NXPH2: variants seen among roughly 807,000 people sequenced by gnomAD.
NXPH2 encodes neurexophilin 2, also known as neurexophilin-2.
A neutral mutation model predicts 19.8 loss-of-function variants in NXPH2; 5 were observed. That is an observed-to-expected ratio of 0.25 (90% CI 0.13 to 0.53). The LOEUF (loss-of-function observed/expected upper bound fraction) is 0.53, where lower values mean the gene tolerates loss of function less well. Ranked by LOEUF, NXPH2 falls within the 20% of genes least tolerant of loss-of-function variation. The pLI, the probability that NXPH2 is intolerant of heterozygous loss-of-function variation, is 0.96. For synonymous variants in NXPH2, 154 were observed against 127.4 expected (o/e 1.21, Z -1.41); for missense variants, 289 against 322.8 (o/e 0.90, Z 0.80).
chr2:138,680,287 T>G (rs1488504723), intron 1 of NXPH2, among the ~76,000 whole-genome samples: 1 of 152,198 alleles, frequency 6.6e-6, no homozygotes, highest in East Asian at 1.9e-4. Context: ...TGAAGGAGGC[T>G]GCAAAGTGGA....
intron 1 of NXPH2, among the ~76,000 whole-genome samples, chr2:138,763,963 G>C (rs1682053320): frequency 6.6e-6 from 1 of 152,064 alleles, no homozygotes; most frequent in African/African-American, 2.4e-5. Context: ...CTTACTATGA[G>C]GATGGCTGTG....
intron 1 of NXPH2, among the ~76,000 whole-genome samples, chr2:138,708,509 C>G (rs1015206244): frequency 2.6e-5 from 4 of 152,310 alleles, no homozygotes; most frequent in Admixed American, 2.0e-4. Flanking sequence ...ATTAAACCAG[C>G]TCATTTAGCA....
Position 138,766,307 on chromosome 2 carries a change from A to T in NXPH2, c.51+13884T>A, listed in dbSNP as rs1682090439. 2.0e-5 allele frequency among the ~76,000 whole-genome samples: 3 copies of T among 152,218 alleles called. No homozygotes were observed. The South Asian group carries it at 6.2e-4, about 31-fold the overall frequency. ...CAAAGACAAAGCATTTAGTTGAGAG[A>T]GGCTGAAGCAGTCACTTGGTTCAGC... On this transcript the variant is annotated intron_variant, in intron 1 of 1. Coordinates refer to ENST00000272641, the MANE Select transcript of NXPH2 (RefSeq NM_007226.3).
chr2:138,686,011 C>T (rs1023245449), intron 1 of NXPH2, among the ~76,000 whole-genome samples: 6 of 152,208 alleles, frequency 3.9e-5, no homozygotes, highest in African/African-American at 1.2e-4. Flanking sequence ...ACAATAAGTA[C>T]CTAACAAAAA....
Position 138,670,552 on chromosome 2 carries a change from A to T in NXPH2, c.*370T>A, listed in dbSNP as rs1014742017. 3.0e-4 allele frequency among the ~76,000 whole-genome samples: 46 copies of T among 152,184 alleles called. 2 individuals carry two copies. The highest frequency in any genetic ancestry group is 2.9e-3 in the Admixed American group (45 of 15,274). ...TTTCTGCGGTAACCTTCCAAAACATATTTCAAAGGCAGGCTCATTTCAAGA... is the reference window on the plus strand; with the variant it reads ...TTTCTGCGGTAACCTTCCAAAACATTTTTCAAAGGCAGGCTCATTTCAAGA... On this transcript the variant is annotated 3_prime_UTR_variant, in exon 2 of 2. Coordinates refer to ENST00000272641, the MANE Select transcript of NXPH2 (RefSeq NM_007226.3).
At chr2:138,721,053 C>A (rs1395521096) in intron 1 of NXPH2, among the ~76,000 whole-genome samples, 1 of 152,010 alleles carries the variant, frequency 6.6e-6, no homozygotes, top group African/African-American at 2.4e-5. Flanking sequence ...TTAAAAGTTG[C>A]CAGAGGGGCT....
At position 138,671,063 on chromosome 2, in the gene NXPH2, G is replaced by T; in HGVS notation, c.654C>A (p.Ser218Arg). The T allele has an allele frequency of 9.9e-6, 16 of 1,613,982 alleles. No homozygotes were observed. The highest frequency in any genetic ancestry group is 1.3e-5 in the Non-Finnish European group (15 of 1,179,884). ...GCTTGGAGCACAACCAAGACACATG[G>T]CTCTGAGTCTGCTCCTGGTAGCAGA... Reference protein sequence around the residue: ...SKICYQEQTQSHVSWLCSKPF... With the variant: ...SKICYQEQTQRHVSWLCSKPF... The change falls in exon 2 of 2, where the codon AGC becomes AGA. Residue 218 changes from serine to arginine, a missense_variant. Transcript: ENST00000272641.
chr2:138,696,925 T>C (rs1367662634), intron 1 of NXPH2, among the ~76,000 whole-genome samples: 1 of 152,014 alleles, frequency 6.6e-6, no homozygotes, highest in African/African-American at 2.4e-5. Context: ...GATAATTAAA[T>C]TGAAAATAAA....
chr2:138,734,460 C>T (rs1681505069), intron 1 of NXPH2, among the ~76,000 whole-genome samples: 1 of 152,156 alleles, frequency 6.6e-6, no homozygotes, highest in Non-Finnish European at 1.5e-5. Flanking sequence ...AACACAGTAA[C>T]TATTCAATGT....
At chr2:138,774,633 G>A (rs1417084392) in intron 1 of NXPH2, among the ~76,000 whole-genome samples, 2 of 152,056 alleles carry the variant, frequency 1.3e-5, no homozygotes, top group African/African-American at 2.4e-5. Flanking sequence ...GCTGTTAAAC[G>A]AACTGCCCAA....
At chr2:138,763,984 G>C (rs1682053692) in intron 1 of NXPH2, among the ~76,000 whole-genome samples, 1 of 152,106 alleles carries the variant, frequency 6.6e-6, no homozygotes, top group African/African-American at 2.4e-5. Context: ...ATATTGCAGA[G>C]ACTGACATCC....
At position 138,671,584 on chromosome 2, in the gene NXPH2, C is replaced by T. The variant is rs1490596975; in HGVS notation, c.133G>A (p.Gly45Ser). The change falls in exon 2 of 2, where the codon GGC (glycine) becomes AGC (serine). Residue 45 changes from glycine to serine, a missense_variant. Physicochemically the swap from Gly to Ser is moderately conservative, Grantham distance 56. Coordinates refer to ENST00000272641, the MANE Select transcript of NXPH2 (RefSeq NM_007226.3). ...EDKDAPGTLV[G>S]NVVHSRIISP... ...ATGATCCTTGAGTGCACCACGTTGC[C>T]GACCAACGTCCCTGGAGCATCTTTG... 2.5e-6 allele frequency: 4 copies of T among 1,613,038 alleles called. No individual in the cohort carries two copies. The highest frequency in any genetic ancestry group is 2.7e-5 in the African/African-American group (2 of 75,022).
intron 1 of NXPH2, among the ~76,000 whole-genome samples, chr2:138,696,746 T>C (rs185527875): frequency 6.6e-5 from 10 of 152,294 alleles, no homozygotes; most frequent in African/African-American, 2.4e-4. Context: ...ATTTTACTTC[T>C]AGGTATTTAT....
At chr2:138,677,943 C>T (rs1488490002) in intron 1 of NXPH2, among the ~76,000 whole-genome samples, 5 of 152,152 alleles carry the variant, frequency 3.3e-5, no homozygotes, top group Non-Finnish European at 7.4e-5. Flanking sequence ...GTATATTTGC[C>T]ACAACTATTA....
rs918188286 is a variant in NXPH2 at position 138,670,779 on chromosome 2, T to A, written c.*143A>T. ...CACACTTAAAGATGTCTCTTTTTCT[T>A]TTTTTAAATTTGAAAACCTGATAGG... On this transcript the variant is annotated 3_prime_UTR_variant, in exon 2 of 2. Transcript: ENST00000272641. 1 of 849,246 alleles carries A rather than the reference T, an allele frequency of 1.2e-6. No homozygotes were observed. Among genetic ancestry groups the A allele is most frequent in the African/African-American group, 1.7e-5 (1 of 58,536 alleles). The allele number at this position is 849,246 out of a possible 1,614,324, so 52.6% of individuals were successfully genotyped here.
intron 1 of NXPH2, among the ~76,000 whole-genome samples, chr2:138,680,661 A>G (rs1433506654): frequency 6.6e-6 from 1 of 152,214 alleles, no homozygotes; most frequent in Non-Finnish European, 1.5e-5. Context: ...ATCCTAATTA[A>G]GGGAACAGGG....
chr2:138,761,484 C>T (rs549846538), intron 1 of NXPH2, among the ~76,000 whole-genome samples: 1 of 152,170 alleles, frequency 6.6e-6, no homozygotes, highest in African/African-American at 2.4e-5. Flanking sequence ...ATTTCTTTGA[C>T]TTACTAATGC....
chr2:138,757,146 T>C (rs890131691), intron 1 of NXPH2, among the ~76,000 whole-genome samples: 13 of 152,214 alleles, frequency 8.5e-5, no homozygotes, highest in African/African-American at 2.9e-4. Context: ...TTAAGCATAC[T>C]ATAAAGTTCT....
chr2:138,709,556 T>C (rs1361065164), intron 1 of NXPH2, among the ~76,000 whole-genome samples: 2 of 151,966 alleles, frequency 1.3e-5, no homozygotes, highest in Non-Finnish European at 2.9e-5. Flanking sequence ...TCCATGTTTA[T>C]GTTAGGGTTC....
Sources: gnomAD v4.1 joint callset for allele counts (sites outside exome capture counted in the v4.1 genomes callset) on GRCh38, gnomAD v4.1.1 for gene constraint, MANE v1.5 for transcripts, NCBI Gene and HGNC (gene_info 2026-07-23, HGNC 2026-07-21) for gene names.